Variants in OXR1 observed in about 807,000 individuals in gnomAD.
OXR1 encodes oxidation resistance 1, also known as oxidation resistance protein 1.
Under a neutral mutation model 104.6 loss-of-function variants are expected in OXR1, and 41 were observed. The observed-to-expected ratio is 0.39, with a 90% confidence interval of 0.31 to 0.51. OXR1 has a LOEUF of 0.51. Among genes scored for constraint, OXR1 ranks in the 20% least tolerant of loss-of-function variants. The pLI, the probability that OXR1 is intolerant of heterozygous loss-of-function variation, is 0.77. For synonymous variants in OXR1, 348 were observed against 348.4 expected (o/e 1.00, Z 0.01); for missense variants, 955 against 1,031.9 (o/e 0.93, Z 1.02).
At chr8:106,369,449 G>A (rs74475384) in intron 2 of OXR1, among the ~76,000 whole-genome samples, 22,010 of 152,150 alleles carry the variant, frequency 0.14, 3,270 homozygotes, top group African/African-American at 0.38. Flanking sequence ...TGTTTTTGAC[G>A]TTTTAGTCAT....
At chr8:106,615,427 G>A (rs1265334199) in intron 3 of OXR1, among the ~76,000 whole-genome samples, 2 of 150,524 alleles carry the variant, frequency 1.3e-5, no homozygotes, top group African/African-American at 2.4e-5. Context: ...GTAAGACTCC[G>A]TCTCAAAAAA....
chr8:106,737,025 C>G lies in OXR1; in HGVS notation c.1957-495C>G, dbSNP rs1587291884. ...CTATATTGTTTTCTTGCTCTTCTCTCCTCTGTTGTTTCTGTTATAGATGGG... is the reference window on the plus strand; with the variant it reads ...CTATATTGTTTTCTTGCTCTTCTCTGCTCTGTTGTTTCTGTTATAGATGGG... On this transcript the variant is annotated intron_variant, in intron 11 of 16. Transcript: ENST00000517566. Among the ~76,000 whole-genome samples, 3 of 152,070 alleles carry G rather than the reference C, an allele frequency of 2.0e-5. No homozygotes were observed. In the South Asian group the frequency reaches 6.2e-4, roughly 32 times the overall value.
At chr8:106,726,143 G>A (rs979213171) in intron 11 of OXR1, 16 of 1,442,786 alleles carry the variant, frequency 1.1e-5, no homozygotes, top group Non-Finnish European at 1.4e-5. Context: ...TGTCACTGTA[G>A]TAAGGCTCTA....
intron 1 of OXR1, among the ~76,000 whole-genome samples, chr8:106,332,158 G>A (rs576766224): frequency 2.0e-4 from 31 of 152,028 alleles, no homozygotes; most frequent in African/African-American, 7.5e-4. Context: ...AAGGAATTGG[G>A]AAGCAAATAT....
chr8:106,290,962 T>C (rs1420516064), intron 1 of OXR1, among the ~76,000 whole-genome samples: 1 of 151,994 alleles, frequency 6.6e-6, no homozygotes, highest in African/African-American at 2.4e-5. Flanking sequence ...CAAAAGAAAA[T>C]AGATCATTCT....
chr8:106,295,387 C>CACAATATATACTATATACAT (rs1258059093), intron 1 of OXR1, among the ~76,000 whole-genome samples: 3 of 152,006 alleles, frequency 2.0e-5, no homozygotes, highest in Non-Finnish European at 4.4e-5. Context: ...TATATACCTA[C>CACAATATATACTATATACAT]ATATACACTG....
At chr8:106,693,565 G>A (rs1442963041) in intron 7 of OXR1, among the ~76,000 whole-genome samples, 1 of 151,750 alleles carries the variant, frequency 6.6e-6, no homozygotes, top group Non-Finnish European at 1.5e-5. Context: ...GAGTAGCTGG[G>A]ATTATAGGCA....
intron 6 of OXR1, among the ~76,000 whole-genome samples, chr8:106,684,651 C>T (rs933366585): frequency 2.0e-5 from 3 of 152,124 alleles, no homozygotes; most frequent in African/African-American, 7.2e-5. Flanking sequence ...ACCCAAAAAA[C>T]ATGACATTAT....
chr8:106,606,949 T>C (rs1820448999), intron 3 of OXR1, among the ~76,000 whole-genome samples: 1 of 152,162 alleles, frequency 6.6e-6, no homozygotes, highest in Admixed American at 6.5e-5. Flanking sequence ...GTTGTTTAGT[T>C]AAGAAAATGC....
intron 2 of OXR1, among the ~76,000 whole-genome samples, chr8:106,366,385 A>G (rs1054035524): frequency 6.6e-6 from 1 of 152,208 alleles, no homozygotes; most frequent in Admixed American, 6.5e-5. Context: ...GTTTCTAAAC[A>G]CCACCCATTT....
chr8:106,453,407 A>G (rs1271889952), intron 2 of OXR1, among the ~76,000 whole-genome samples: 3 of 152,214 alleles, frequency 2.0e-5, no homozygotes, highest in African/African-American at 7.2e-5. Context: ...ATTTCCATCA[A>G]TGTGAAGGCA....
At chr8:106,335,730 T>C (rs1407350992) in intron 1 of OXR1, among the ~76,000 whole-genome samples, 2 of 152,212 alleles carry the variant, frequency 1.3e-5, no homozygotes, top group Non-Finnish European at 2.9e-5. Flanking sequence ...CAGGGTTTTG[T>C]TTTTATTTTT....
intron 2 of OXR1, among the ~76,000 whole-genome samples, chr8:106,429,336 T>A (rs1267003929): frequency 6.6e-6 from 1 of 152,090 alleles, no homozygotes; most frequent in Non-Finnish European, 1.5e-5. Context: ...TGTCTTTAGA[T>A]CCCAGAACAG....
rs1489812228 is a variant in OXR1, at chr8:106,370,589, TGA to T, written c.23+10957_23+10958del. On this transcript the variant is annotated intron_variant, in intron 2 of 16. Coordinates refer to ENST00000517566, the MANE Select transcript of OXR1 (RefSeq NM_001198533.2). ...TATATTCCATCAATACCTAGTTTAT[TGA>T]GAGTTTTTAACATGAAGGGATGTTG... Among the ~76,000 whole-genome samples the T allele has an allele frequency of 1.3e-5, 2 of 152,198 alleles. 1 individual carries two copies. Among genetic ancestry groups the T allele is most frequent in the Admixed American group, 1.3e-4 (2 of 15,274 alleles).
intron 1 of OXR1, among the ~76,000 whole-genome samples, chr8:106,353,040 G>A (rs1029918080): frequency 5.3e-5 from 8 of 152,144 alleles, no homozygotes; most frequent in Admixed American, 3.3e-4. Context: ...TGTTTATTTT[G>A]TGCCTCATTA....
At chr8:106,424,554 A>C (rs976686793) in intron 2 of OXR1, among the ~76,000 whole-genome samples, 4 of 152,156 alleles carry the variant, frequency 2.6e-5, no homozygotes, top group Non-Finnish European at 2.9e-5. Context: ...ATTGTTTCTA[A>C]TTTTTCACTT....
At chr8:106,294,939 TATC>T (rs1172717788) in intron 1 of OXR1, among the ~76,000 whole-genome samples, 3 of 152,236 alleles carry the variant, frequency 2.0e-5, no homozygotes, top group African/African-American at 7.2e-5. Flanking sequence ...ATTTTACCAT[TATC>T]ATAGCATTAT....
intron 2 of OXR1, among the ~76,000 whole-genome samples, chr8:106,422,043 G>A (rs1221013063): frequency 1.3e-5 from 2 of 152,008 alleles, no homozygotes; most frequent in Non-Finnish European, 2.9e-5. Context: ...AATTTTTAAG[G>A]GGGTTCATTA....
chr8:106,749,149 T>C (rs1835661961), intron 16 of OXR1, among the ~76,000 whole-genome samples: 1 of 151,994 alleles, frequency 6.6e-6, no homozygotes, highest in Admixed American at 6.5e-5. Context: ...GATACCATCC[T>C]GGCTAACACA....
Sources: gnomAD v4.1 joint callset for allele counts (sites outside exome capture counted in the v4.1 genomes callset) on GRCh38, gnomAD v4.1.1 for gene constraint, MANE v1.5 for transcripts, NCBI Gene and HGNC (gene_info 2026-07-23, HGNC 2026-07-21) for gene names.